The following ZNF107 variants were observed in gnomAD, a reference collection of about 807,000 sequenced individuals.
The protein encoded by ZNF107 is C2H2 type zinc-finger protein.
ZNF107 carries 19 observed loss-of-function variants against 12.3 expected under a neutral mutation model. That is an observed-to-expected ratio of 1.55 (90% CI 1.08 to 2.27). The LOEUF (loss-of-function observed/expected upper bound fraction) is 2.27, where lower values mean the gene tolerates loss of function less well. Among genes scored for constraint, ZNF107 ranks in the 30% most tolerant of loss-of-function variants. ZNF107 has a pLI of 0.00. For synonymous variants in ZNF107, 317 were observed against 330.5 expected (o/e 0.96, Z 0.44); for missense variants, 958 against 979.9 (o/e 0.98, Z 0.30).
chr7:64,696,286 G>A (rs1377673093), intron 3 of ZNF107, among the ~76,000 whole-genome samples: 2 of 151,904 alleles, frequency 1.3e-5, no homozygotes, highest in African/African-American at 2.4e-5. Flanking sequence ...CTCCTGACCT[G>A]ATCCACCCGC....
intron 1 of ZNF107, among the ~76,000 whole-genome samples, chr7:64,681,473 C>T (rs973248123): frequency 6.6e-6 from 1 of 152,084 alleles, no homozygotes; most frequent in Non-Finnish European, 1.5e-5. Context: ...CCTCACTATT[C>T]CTAGGCTACA....
rs1308363156 is a variant in ZNF107 at position 64,708,019 on chromosome 7, TAATTC to T, written c.1924_1928del (p.Ile642TyrfsTer9). On this transcript the variant is annotated frameshift_variant, in exon 4 of 4. Coordinates refer to ENST00000620827, the MANE Select transcript of ZNF107 (RefSeq NM_001282359.2). LOFTEE classifies it low-confidence loss of function (END_TRUNC). ...TCCTCAAACCTTACTACACAAAAGATAATTCATACTGGAGAGAACCTCTACAAATT... is the reference window on the plus strand; with the variant it reads ...TCCTCAAACCTTACTACACAAAAGATATACTGGAGAGAACCTCTACAAATT... The T allele has an allele frequency of 3.1e-6, 5 of 1,611,618 alleles. No homozygotes were observed. The African/African-American group carries it at 6.7e-5, about 22-fold the overall frequency.
At chr7:64,686,473 T>C in intron 1 of ZNF107, 2 of 981,100 alleles carry the variant, frequency 2.0e-6, no homozygotes, top group Non-Finnish European at 2.4e-6. Context: ...CAATTAGGAG[T>C]CCATGCCGCC....
chr7:64,670,324 A>C (rs1043453301), intron 1 of ZNF107, among the ~76,000 whole-genome samples: 1 of 152,084 alleles, frequency 6.6e-6, no homozygotes, highest in Non-Finnish European at 1.5e-5. Context: ...AGAAGGTCAC[A>C]GGGGAATGGC....
intron 1 of ZNF107, among the ~76,000 whole-genome samples, chr7:64,673,789 T>G (rs914209104): frequency 6.6e-6 from 1 of 152,236 alleles, no homozygotes; most frequent in Non-Finnish European, 1.5e-5. Flanking sequence ...TTCTACATAG[T>G]GTTAGCTAGT....
chr7:64,675,906 G>A (rs956778226), intron 1 of ZNF107, among the ~76,000 whole-genome samples: 12 of 152,194 alleles, frequency 7.9e-5, no homozygotes, highest in Non-Finnish European at 1.6e-4. Flanking sequence ...AGTCTGGAGT[G>A]CAGTGGCACA....
chr7:64,684,677 G>A (rs1418516219), intron 1 of ZNF107: 7 of 985,376 alleles, frequency 7.1e-6, no homozygotes, highest in Non-Finnish European at 8.4e-6. Flanking sequence ...GACATCTCCT[G>A]GTTTCATCCC....
intron 1 of ZNF107, among the ~76,000 whole-genome samples, chr7:64,667,163 T>TA (rs1310250995): frequency 2.6e-5 from 4 of 152,228 alleles, no homozygotes; most frequent in Non-Finnish European, 5.9e-5. Flanking sequence ...GTCTCAAGAC[T>TA]ACTCCCTATT....
chr7:64,701,611 A>G (rs980930287), intron 3 of ZNF107, among the ~76,000 whole-genome samples: 1 of 150,644 alleles, frequency 6.6e-6, no homozygotes, highest in Non-Finnish European at 1.5e-5. Context: ...TTTTTTTTTT[A>G]ATATATTTAC....
intron 1 of ZNF107, among the ~76,000 whole-genome samples, chr7:64,685,383 AAAGCCCCCAG>A (rs750109316): frequency 4.9e-4 from 74 of 152,258 alleles, no homozygotes; most frequent in Non-Finnish European, 7.4e-4. Flanking sequence ...TCCGCTTCTC[AAAGCCCCCAG>A]AAGTCATCAG....
chr7:64,701,786 A>AT (rs1169701732), intron 3 of ZNF107, among the ~76,000 whole-genome samples: 1 of 151,708 alleles, frequency 6.6e-6, no homozygotes, highest in Non-Finnish European at 1.5e-5. Context: ...ACCCAGCTAG[A>AT]TTTTTTGTAT....
chr7:64,691,871 C>T lies in ZNF107; in HGVS notation c.137C>T (p.Ala46Val), dbSNP rs1460548020. The change falls in exon 3 of 4, where the codon GCT becomes GTT. Residue 46 changes from alanine to valine, a missense_variant. Transcript: ENST00000620827. ...TTTATTTTCAATAAAACAGGTATTG[C>T]TGTCTCTAAGCCATATCTGATCACC... The part of the protein sequence containing the change: ...NYRNLVFLGI[A>V]VSKPYLITCL... 3 of 1,439,338 alleles carry T rather than the reference C, an allele frequency of 2.1e-6. No homozygotes were observed. Among genetic ancestry groups the T allele is most frequent in the Non-Finnish European group, 2.7e-6 (3 of 1,098,700 alleles). 89.2% of individuals were successfully genotyped at this position (1,439,338 alleles called of 1,614,324 possible).
At chr7:64,673,230 G>C (rs1789300478) in intron 1 of ZNF107, among the ~76,000 whole-genome samples, 1 of 152,162 alleles carries the variant, frequency 6.6e-6, no homozygotes, top group South Asian at 2.1e-4. Flanking sequence ...TTTTAGTAGA[G>C]ATGGGGTTTC....
At chr7:64,686,792 C>T (rs555474433) in intron 1 of ZNF107, 1 of 859,544 alleles carries the variant, frequency 1.2e-6, no homozygotes, top group Non-Finnish European at 1.4e-6. Context: ...CCACTTTGCC[C>T]TGTAAAGACT....
At chr7:64,680,609 C>T (rs1006362503) in intron 1 of ZNF107, among the ~76,000 whole-genome samples, 4 of 152,154 alleles carry the variant, frequency 2.6e-5, no homozygotes, top group African/African-American at 4.8e-5. Flanking sequence ...AGGGCAAGGA[C>T]GAAAATCCAG....
At chr7:64,697,332 C>A (rs923149111) in intron 3 of ZNF107, among the ~76,000 whole-genome samples, 1 of 152,100 alleles carries the variant, frequency 6.6e-6, no homozygotes, top group African/African-American at 2.4e-5. Context: ...GGTATATACC[C>A]AGTAATGGGA....
In ZNF107 at chr7:64,691,188, TA is replaced by T; in HGVS notation, c.4-55del. 2 of 1,331,082 alleles carry T rather than the reference TA, an allele frequency of 1.5e-6. 1 individual carries two copies. The highest frequency in any genetic ancestry group is 1.9e-6 in the Non-Finnish European group (2 of 1,028,358). The allele number at this position is 1,331,082 out of a possible 1,614,324, so 82.5% of individuals were successfully genotyped here. A position where few individuals can be genotyped will look rare whatever the true frequency, so the allele number is the denominator to read the frequency against. ...TACCCGACTATCCTATACATTTTTT[TA>T]AAAATTCAATGACAGCTTATGGCTG... On this transcript the variant is annotated intron_variant, in intron 1 of 3. Transcript: ENST00000620827.
intron 1 of ZNF107, among the ~76,000 whole-genome samples, chr7:64,685,136 G>A (rs976520272): frequency 2.0e-5 from 3 of 152,040 alleles, no homozygotes; most frequent in South Asian, 2.1e-4. Flanking sequence ...CAACTTTTAC[G>A]CTCCTACATG....
intron 3 of ZNF107, among the ~76,000 whole-genome samples, chr7:64,697,396 G>A (rs867328153): frequency 3.9e-5 from 6 of 152,154 alleles, no homozygotes; most frequent in African/African-American, 4.8e-5. Context: ...TCGCCACACC[G>A]ACTTCCACAA....
Sources: allele counts gnomAD v4.1 joint callset (sites outside exome capture counted in the v4.1 genomes callset), GRCh38; gene constraint gnomAD v4.1.1; transcripts MANE v1.5; gene names NCBI Gene and HGNC (gene_info 2026-07-23, HGNC 2026-07-21).